Variants in ACTR3C observed in about 807,000 individuals in gnomAD.
ACTR3C encodes the protein actin related protein 3C.
ACTR3C carries 18 observed loss-of-function variants against 26.3 expected under a neutral mutation model. That is an observed-to-expected ratio of 0.68 (90% CI 0.47 to 1.01). ACTR3C has a LOEUF of 1.01. Among genes scored for constraint, ACTR3C ranks in the 50% least tolerant of loss-of-function variants. The probability of loss-of-function intolerance (pLI) is 0.00; values close to 1 mark genes in which losing one functional copy is unlikely to be tolerated. For synonymous variants in ACTR3C, 55 were observed against 94.5 expected, an observed-to-expected ratio of 0.58 and a Z score of 2.42; for missense variants, 184 against 250.7, an observed-to-expected ratio of 0.73 and a Z score of 1.80.
the ACTR3C span, among the ~76,000 whole-genome samples, chr7:150,187,193 C>T: frequency 5.9e-5 from 9 of 151,282 alleles, no homozygotes; most frequent in African/African-American, 9.8e-5. Flanking sequence ...CTTTTGCTTG[C>T]TATTTCTTTA....
At chr7:150,025,986 C>T in the ACTR3C span, among the ~76,000 whole-genome samples, 3 of 152,106 alleles carry the variant, frequency 2.0e-5, no homozygotes, top group Non-Finnish European at 2.9e-5. Flanking sequence ...GAGGGTCACT[C>T]CATCTCTCTT....
intron 6 of ACTR3C, among the ~76,000 whole-genome samples, chr7:150,254,592 T>G (rs2530993): frequency 4.0e-4 from 61 of 152,308 alleles, no homozygotes; most frequent in African/African-American, 1.3e-3. Context: ...ATCACCTGTG[T>G]TGATTACCTA....
the ACTR3C span, among the ~76,000 whole-genome samples, chr7:150,152,896 A>T: frequency 2.0e-5 from 3 of 152,018 alleles, no homozygotes; most frequent in Non-Finnish European, 4.4e-5. Context: ...GAATTTATCC[A>T]TTTCTTCTAG....
intron 6 of ACTR3C, among the ~76,000 whole-genome samples, chr7:150,279,892 A>G (rs1434425599): frequency 2.0e-5 from 3 of 152,156 alleles, no homozygotes; most frequent in Non-Finnish European, 2.9e-5. Context: ...TAAGCTCTTG[A>G]AGACAAGAAC....
chr7:150,207,467 T>C, the ACTR3C span, among the ~76,000 whole-genome samples: 1 of 152,200 alleles, frequency 6.6e-6, no homozygotes, highest in East Asian at 1.9e-4. Flanking sequence ...ATATGTGGGT[T>C]GAAGGAAGCA....
chr7:150,306,897 T>C (rs1795847595), intron 1 of ACTR3C, among the ~76,000 whole-genome samples: 1 of 152,228 alleles, frequency 6.6e-6, no homozygotes, highest in Non-Finnish European at 1.5e-5. Flanking sequence ...AAGGGAGTAT[T>C]ATACTATAAG....
intron 6 of ACTR3C, chr7:150,264,660 G>A (rs1210995828): frequency 1.8e-4 from 175 of 960,678 alleles, no homozygotes; most frequent in East Asian, 2.3e-4. Flanking sequence ...AAACCGAGTC[G>A]ATTAAGACAC....
At chr7:150,093,660 C>T in the ACTR3C span, among the ~76,000 whole-genome samples, 49 of 150,938 alleles carry the variant, frequency 3.2e-4, 4 homozygotes, top group African/African-American at 1.2e-3. Flanking sequence ...ACACAGCCAC[C>T]TTCTAAACAA....
the ACTR3C span, among the ~76,000 whole-genome samples, chr7:150,014,805 T>C: frequency 3.9e-5 from 6 of 152,126 alleles, no homozygotes. Flanking sequence ...ATTCCTGAAA[T>C]GATTGTGTTG....
chr7:150,051,111 T>C, the ACTR3C span, among the ~76,000 whole-genome samples: 1 of 136,498 alleles, frequency 7.3e-6, no homozygotes, highest in Non-Finnish European at 1.6e-5. Context: ...TCTAAATAAA[T>C]AAATAAATAA....
the ACTR3C span, among the ~76,000 whole-genome samples, chr7:149,955,955 G>A: frequency 6.6e-6 from 1 of 152,158 alleles, no homozygotes; most frequent in African/African-American, 2.4e-5. Flanking sequence ...AAAAGACTTT[G>A]GAGATTACTT....
chr7:150,157,595 GTGATCACA>G, the ACTR3C span, among the ~76,000 whole-genome samples: 1 of 152,044 alleles, frequency 6.6e-6, no homozygotes, highest in Non-Finnish European at 1.5e-5. Flanking sequence ...TTATATTTAG[GTGATCACA>G]TTATCTTTAG....
the ACTR3C span, among the ~76,000 whole-genome samples, chr7:150,010,159 G>C: frequency 1.3e-5 from 2 of 152,200 alleles, no homozygotes; most frequent in African/African-American, 2.4e-5. Flanking sequence ...CTGTCCCACA[G>C]CCTCATTCGA....
chr7:149,946,226 C>G, the ACTR3C span, among the ~76,000 whole-genome samples: 1 of 152,232 alleles, frequency 6.6e-6, no homozygotes, highest in African/African-American at 2.4e-5. Flanking sequence ...TGGAGAGAAC[C>G]CAGACATCGC....
chr7:149,996,519 ATT>A, the ACTR3C span, among the ~76,000 whole-genome samples: 1 of 132,430 alleles, frequency 7.6e-6, no homozygotes, highest in South Asian at 2.5e-4. Context: ...AATAACTGGG[ATT>A]TTTTTTTTCA....
At chr7:150,056,593 G>A in the ACTR3C span, among the ~76,000 whole-genome samples, 2 of 152,128 alleles carry the variant, frequency 1.3e-5, no homozygotes, top group Non-Finnish European at 2.9e-5. Flanking sequence ...AAATCCACGA[G>A]TCACATGAGC....
chr7:149,960,114 C>T, the ACTR3C span, among the ~76,000 whole-genome samples: 250 of 152,030 alleles, frequency 1.6e-3, 1 homozygote, highest in African/African-American at 5.5e-3. Flanking sequence ...TGACATAAGT[C>T]TTCTTTTCAG....
chr7:150,102,857 A>T, the ACTR3C span, among the ~76,000 whole-genome samples: 16 of 152,144 alleles, frequency 1.1e-4, no homozygotes, highest in Non-Finnish European at 2.1e-4. Context: ...TGTAGGTGGC[A>T]TGAACGCAGA....
At chr7:150,262,983 G>A (rs6959633) in intron 6 of ACTR3C, among the ~76,000 whole-genome samples, 11,921 of 152,102 alleles carry the variant, frequency 0.078, 643 homozygotes, top group African/African-American at 0.14. Context: ...CAGCAAAGAC[G>A]TTCAAAGAAG....
Sources: gnomAD v4.1 joint callset for allele counts (sites outside exome capture counted in the v4.1 genomes callset) on GRCh38, gnomAD v4.1.1 for gene constraint, MANE v1.5 for transcripts, NCBI Gene and HGNC (gene_info 2026-07-23, HGNC 2026-07-21) for gene names.